The following SLC35F4 variants were observed in gnomAD, a reference collection of about 807,000 sequenced individuals.
SLC35F4 encodes the protein chromosome 14 open reading frame 36.
A neutral mutation model predicts 44.2 loss-of-function variants in SLC35F4; 24 were observed. That is an observed-to-expected ratio of 0.54 (90% CI 0.39 to 0.76). The LOEUF is 0.76. SLC35F4 is among the 30% of genes least tolerant of loss of function. SLC35F4 has a pLI of 0.00. For synonymous variants in SLC35F4, 238 were observed against 223.6 expected (o/e 1.06, Z -0.57); for missense variants, 562 against 586.1 (o/e 0.96, Z 0.42).
intron 1 of SLC35F4, among the ~76,000 whole-genome samples, chr14:57,765,547 C>T (rs726219): frequency 0.44 from 66,462 of 152,042 alleles, 14,637 homozygotes; most frequent in South Asian, 0.56. Flanking sequence ...TATTAATAGA[C>T]GTTTGATTAA....
chr14:57,958,059 A>AT (rs528357443), intron 1 of SLC35F4, among the ~76,000 whole-genome samples: 13,950 of 145,854 alleles, frequency 0.096, 764 homozygotes, highest in African/African-American at 0.15. Flanking sequence ...ATTAGATGAA[A>AT]TTTTTTTTTT....
chr14:57,741,320 CA>C (rs2076601276), intron 1 of SLC35F4, among the ~76,000 whole-genome samples: 1 of 152,070 alleles, frequency 6.6e-6, no homozygotes, highest in Non-Finnish European at 1.5e-5. Context: ...GAACCCATTG[CA>C]AAATAAGCTA....
chr14:57,976,051 G>C (rs1294986670), downstream of SLC35F4, among the ~76,000 whole-genome samples: 1 of 152,160 alleles, frequency 6.6e-6, no homozygotes, highest in Non-Finnish European at 1.5e-5. Flanking sequence ...AAACCTGCAT[G>C]AGTTCAATAA....
At chr14:57,722,821 G>C (rs1029997463) in intron 1 of SLC35F4, among the ~76,000 whole-genome samples, 7 of 152,118 alleles carry the variant, frequency 4.6e-5, no homozygotes, top group Non-Finnish European at 7.4e-5. Flanking sequence ...AGACAAATTT[G>C]AATTATACAA....
chr14:57,619,527 C>G (rs2072056297), intron 1 of SLC35F4, among the ~76,000 whole-genome samples: 1 of 151,998 alleles, frequency 6.6e-6, no homozygotes, highest in South Asian at 2.1e-4. Flanking sequence ...ACCAGGAGAC[C>G]CCATGCCAAG....
chr14:57,752,743 G>A (rs1430143824), intron 1 of SLC35F4, among the ~76,000 whole-genome samples: 1 of 152,176 alleles, frequency 6.6e-6, no homozygotes, highest in Non-Finnish European at 1.5e-5. Context: ...ACAGGCGTGA[G>A]CCACTGCACC....
At chr14:57,792,468 A>G (rs1015592502) in intron 1 of SLC35F4, among the ~76,000 whole-genome samples, 1 of 152,240 alleles carries the variant, frequency 6.6e-6, no homozygotes, top group Non-Finnish European at 1.5e-5. Context: ...ATACATGTTT[A>G]TAGCAGCACA....
chr14:57,686,022 T>C (rs923955839), intron 1 of SLC35F4, among the ~76,000 whole-genome samples: 2 of 152,120 alleles, frequency 1.3e-5, no homozygotes, highest in Non-Finnish European at 2.9e-5. Flanking sequence ...ACATGTGACA[T>C]TGGGATTTGC....
intron 1 of SLC35F4, among the ~76,000 whole-genome samples, chr14:57,856,194 C>T (rs1357840281): frequency 6.6e-6 from 1 of 151,890 alleles, no homozygotes; most frequent in East Asian, 1.9e-4. Flanking sequence ...GGTGGGGGAG[C>T]TAGCATTAGG....
chr14:57,753,302 A>T (rs1478819264), intron 1 of SLC35F4, among the ~76,000 whole-genome samples: 1 of 152,180 alleles, frequency 6.6e-6, no homozygotes, highest in Non-Finnish European at 1.5e-5. Flanking sequence ...TAGGCTGCCC[A>T]GTGATTAGAT....
At chr14:57,806,104 A>G (rs1429582632) in intron 1 of SLC35F4, among the ~76,000 whole-genome samples, 6 of 152,174 alleles carry the variant, frequency 3.9e-5, no homozygotes, top group African/African-American at 7.2e-5. Context: ...TTTTTATAAA[A>G]TGTAGTTTTC....
intron 1 of SLC35F4, among the ~76,000 whole-genome samples, chr14:57,775,116 C>G (rs1393846512): frequency 1.3e-5 from 2 of 152,220 alleles, no homozygotes; most frequent in Non-Finnish European, 2.9e-5. Flanking sequence ...TGCAAACAGT[C>G]CTGTGCCCAC....
chr14:57,896,564 G>T lies in SLC35F4; in HGVS notation n.282+85349C>A, dbSNP rs116752315. Among the ~76,000 whole-genome samples, 745 of 152,218 alleles carry T rather than the reference G, an allele frequency of 4.9e-3. 2 individuals are homozygous for T. Among genetic ancestry groups the T allele is most frequent in the African/African-American group, 0.017 (686 of 41,550 alleles). ...ATATGTATATGCACCTAAAATGTGG[G>T]CTCTTTATTGCATTGTGATCTTTTC... On this transcript the variant is annotated intron_variant and non_coding_transcript_variant, in intron 1 of 1. Coordinates refer to the SLC35F4 transcript ENST00000556568.
chr14:57,864,647 C>T (rs1887967763), intron 1 of SLC35F4, among the ~76,000 whole-genome samples: 1 of 152,106 alleles, frequency 6.6e-6, no homozygotes, highest in Admixed American at 6.5e-5. Flanking sequence ...TTGATTGCAC[C>T]CCAAATGTCA....
At chr14:57,873,741 A>T (rs1353749738) in intron 1 of SLC35F4, among the ~76,000 whole-genome samples, 1 of 151,396 alleles carries the variant, frequency 6.6e-6, no homozygotes, top group Non-Finnish European at 1.5e-5. Flanking sequence ...GAATACAAAC[A>T]CACACACACA....
intron 1 of SLC35F4, among the ~76,000 whole-genome samples, chr14:57,683,462 C>CCCG (rs72531477): frequency 1.3e-5 from 2 of 152,198 alleles, no homozygotes; most frequent in East Asian, 3.9e-4. Context: ...CGCCTTTTCC[C>CCCG]CTTCAATCAT....
At chr14:57,913,274 T>C (rs1889251694) in intron 1 of SLC35F4, among the ~76,000 whole-genome samples, 1 of 152,238 alleles carries the variant, frequency 6.6e-6, no homozygotes, top group African/African-American at 2.4e-5. Context: ...AAGTTGATTA[T>C]TGATATAGTT....
intron 1 of SLC35F4, among the ~76,000 whole-genome samples, chr14:57,671,720 A>T (rs2074529111): frequency 6.6e-6 from 1 of 151,994 alleles, no homozygotes. Context: ...AAGTAAACGG[A>T]AATGCTTGGG....
chr14:57,780,806 G>T (rs1032917608), intron 1 of SLC35F4, among the ~76,000 whole-genome samples: 3 of 151,692 alleles, frequency 2.0e-5, no homozygotes, highest in Non-Finnish European at 1.5e-5. Flanking sequence ...CAGAAATAAT[G>T]CTGCACCCCC....
Sources: gnomAD v4.1 joint callset for allele counts (sites outside exome capture counted in the v4.1 genomes callset) on GRCh38, gnomAD v4.1.1 for gene constraint, MANE v1.5 for transcripts, NCBI Gene and HGNC (gene_info 2026-07-23, HGNC 2026-07-21) for gene names.